The following NAV2 variants were observed in gnomAD, a reference collection of about 807,000 sequenced individuals.
NAV2 encodes the protein helicase, APC down-regulated 1.
A neutral mutation model predicts 223.2 loss-of-function variants in NAV2; 54 were observed. The observed-to-expected ratio is 0.24, with a 90% CI of 0.19 to 0.30. The LOEUF (loss-of-function observed/expected upper bound fraction) is 0.30, where lower values mean the gene tolerates loss of function less well. NAV2 is among the 10% of genes least tolerant of loss of function. The pLI, the probability that NAV2 is intolerant of heterozygous loss-of-function variation, is 1.00. For missense variants in NAV2, 2,806 were observed against 3,147.5 expected (o/e 0.89, Z 2.60); for synonymous variants, 1,279 against 1,239.3 (o/e 1.03, Z -0.67).
chr11:19,692,799 G>A (rs763666396), intron 1 of NAV2, among the ~76,000 whole-genome samples: 3 of 152,202 alleles, frequency 2.0e-5, no homozygotes, highest in Non-Finnish European at 2.9e-5. Flanking sequence ...TGCTCTTATG[G>A]AGCTAATATT....
rs572753480 is a variant in NAV2, at chr11:19,433,873, C to CA, written c.75+82852dup. 1.2e-4 allele frequency among the ~76,000 whole-genome samples: 19 copies of CA among 152,192 alleles called. No homozygotes were observed. The South Asian group carries it at 1.7e-3, about 13-fold the overall frequency. On this transcript the variant is annotated intron_variant, in intron 1 of 37. Transcript: ENST00000360655. The stretch of plus-strand genomic sequence containing the variant: ...TAAAATCTGTATTAGAGAAAAGTCT[C>CA]AAAAAATAGAAATGTATTAGAGTAA...
chr11:19,565,713 A>G (rs867192029), intron 1 of NAV2, among the ~76,000 whole-genome samples: 4 of 152,212 alleles, frequency 2.6e-5, no homozygotes, highest in Non-Finnish European at 4.4e-5. Context: ...CCTGCTTTGA[A>G]TACACCATTA....
intron 18 of NAV2, 48 bp downstream of exon 18, chr11:20,054,288 G>A (rs778502700): frequency 2.6e-6 from 4 of 1,531,800 alleles, no homozygotes; most frequent in Middle Eastern, 3.5e-4. Flanking sequence ...CCACAGGGCA[G>A]TGGTTATCTT....
intron 1 of NAV2, among the ~76,000 whole-genome samples, chr11:19,553,966 G>A (rs1455852294): frequency 5.3e-5 from 8 of 152,188 alleles, no homozygotes; most frequent in Non-Finnish European, 1.0e-4. Flanking sequence ...AGGGCTTCAC[G>A]CCCAGTAGAA....
intron 1 of NAV2, among the ~76,000 whole-genome samples, chr11:19,674,554 G>A (rs963662454): frequency 2.0e-5 from 3 of 152,228 alleles, no homozygotes; most frequent in African/African-American, 4.8e-5. Flanking sequence ...CACGGGCCAG[G>A]CTTACCTCCT....
Position 19,431,013 on chromosome 11 carries a change from TCATGGCCTG to T in NAV2, c.75+79988_75+79996del, listed in dbSNP as rs1851018227. ...CAGACACAATAGAAAAAAACTCCCT[TCATGGCCTG>T]CTAAACCTTTATAATGTAAATCTGC... is the stretch of plus-strand genomic sequence containing the variant. On this transcript the variant is annotated intron_variant, in intron 1 of 37. Coordinates refer to the NAV2 transcript ENST00000360655. Among the ~76,000 whole-genome samples the T allele has an allele frequency of 2.0e-5, 3 of 152,338 alleles. No individual in the cohort carries two copies. The South Asian group carries it at 6.2e-4, about 32-fold the overall frequency.
intron 6 of NAV2, among the ~76,000 whole-genome samples, chr11:19,925,289 A>G (rs946967491): frequency 6.6e-6 from 1 of 152,178 alleles, no homozygotes; most frequent in Non-Finnish European, 1.5e-5. Context: ...CGTGAATCCA[A>G]CTATTTTTTC....
intron 11 of NAV2, among the ~76,000 whole-genome samples, chr11:20,024,309 G>A (rs1043228073): frequency 1.3e-5 from 2 of 152,124 alleles, no homozygotes; most frequent in East Asian, 1.9e-4. Context: ...TTGAGGCTCC[G>A]GGGCTGCTGG....
At chr11:19,706,422 C>T (rs192465347) in intron 1 of NAV2, among the ~76,000 whole-genome samples, 173 of 152,276 alleles carry the variant, frequency 1.1e-3, no homozygotes, top group Non-Finnish European at 2.2e-3. Flanking sequence ...AATCAACATA[C>T]CTGATAACCC....
At chr11:19,387,216 G>A (rs972447322) in intron 1 of NAV2, among the ~76,000 whole-genome samples, 1 of 152,186 alleles carries the variant, frequency 6.6e-6, no homozygotes, top group Non-Finnish European at 1.5e-5. Flanking sequence ...TAGGTTTTAA[G>A]CCTCTGTGAT....
At chr11:19,608,036 C>G (rs1440195765) in intron 1 of NAV2, among the ~76,000 whole-genome samples, 1 of 152,212 alleles carries the variant, frequency 6.6e-6, no homozygotes, top group Non-Finnish European at 1.5e-5. Context: ...CCAATTCTCC[C>G]ATTTTACAGC....
chr11:19,880,636 A>G (rs914948343), intron 5 of NAV2, among the ~76,000 whole-genome samples: 5 of 152,196 alleles, frequency 3.3e-5, no homozygotes, highest in African/African-American at 1.2e-4. Context: ...GGGAGCAGTT[A>G]CCATTAAATG....
chr11:20,080,806 A>G (rs750981218), intron 25 of NAV2, among the ~76,000 whole-genome samples: 2 of 152,184 alleles, frequency 1.3e-5, no homozygotes, highest in East Asian at 1.9e-4. Flanking sequence ...GTGTTTCTCC[A>G]TGTTTCATAA....
intron 1 of NAV2, among the ~76,000 whole-genome samples, chr11:19,568,628 T>C (rs1348600186): frequency 6.6e-6 from 1 of 152,196 alleles, no homozygotes; most frequent in Non-Finnish European, 1.5e-5. Context: ...ATTGACTTCT[T>C]ATGAAAGCAC....
At chr11:19,371,766 GGT>G (rs1491136491) in intron 1 of NAV2, among the ~76,000 whole-genome samples, 2 of 116,662 alleles carry the variant, frequency 1.7e-5, no homozygotes, top group African/African-American at 3.1e-5. Flanking sequence ...TTCTGTATCA[GGT>G]TTTTTTTTTT....
chr11:19,846,355 G>C (rs895181051), intron 3 of NAV2, among the ~76,000 whole-genome samples: 5 of 152,194 alleles, frequency 3.3e-5, no homozygotes, highest in African/African-American at 1.2e-4. Context: ...GAAAGGAGGG[G>C]CATGGAAGAG....
At chr11:20,098,170 CA>C (rs1164462379) in intron 31 of NAV2, among the ~76,000 whole-genome samples, 1 of 152,100 alleles carries the variant, frequency 6.6e-6, no homozygotes, top group East Asian at 1.9e-4. Context: ...TGTGCCCACG[CA>C]TGATGCTGCT....
intron 1 of NAV2, among the ~76,000 whole-genome samples, chr11:19,673,139 A>G (rs1386623109): frequency 1.3e-5 from 2 of 152,264 alleles, no homozygotes; most frequent in African/African-American, 4.8e-5. Context: ...AATACTTAGC[A>G]TATGCTGAGG....
intron 5 of NAV2, among the ~76,000 whole-genome samples, chr11:19,890,060 G>A (rs1327019797): frequency 1.3e-5 from 2 of 152,190 alleles, no homozygotes; most frequent in African/African-American, 4.8e-5. Context: ...GAGAAGACGA[G>A]AAAGGAAACT....
Sources: gnomAD v4.1 joint callset for allele counts (sites outside exome capture counted in the v4.1 genomes callset) on GRCh38, gnomAD v4.1.1 for gene constraint, MANE v1.5 for transcripts, NCBI Gene and HGNC (gene_info 2026-07-23, HGNC 2026-07-21) for gene names.